CNTN5: variants seen among roughly 807,000 people sequenced by gnomAD.
The protein encoded by CNTN5 is contactin-5.
A neutral mutation model predicts 129.1 loss-of-function variants in CNTN5; 77 were observed. The observed-to-expected ratio is 0.60, with a 90% CI of 0.50 to 0.72. The LOEUF is 0.72. Ranked by LOEUF, CNTN5 falls within the 30% of genes least tolerant of loss-of-function variation. The pLI is 0.00. For synonymous variants in CNTN5, 509 were observed against 465.6 expected (o/e 1.09, Z -1.20); for missense variants, 1,478 against 1,328.8 (o/e 1.11, Z -1.75).
intron 15 of CNTN5, among the ~76,000 whole-genome samples, chr11:100,211,996 T>A (rs974623388): frequency 1.3e-5 from 2 of 152,130 alleles, no homozygotes; most frequent in Non-Finnish European, 2.9e-5. Context: ...AAAGGATGAC[T>A]TTCCCCCTAC....
intron 2 of CNTN5, among the ~76,000 whole-genome samples, chr11:99,543,926 CA>C (rs869130663): frequency 1.4e-3 from 11 of 7,972 alleles, no homozygotes; most frequent in African/African-American, 3.7e-3. Context: ...CTCAAAAAAA[CA>C]AAAAAAAAAA....
chr11:99,467,537 C>T (rs1944994491), intron 2 of CNTN5, among the ~76,000 whole-genome samples: 1 of 152,064 alleles, frequency 6.6e-6, no homozygotes, highest in South Asian at 2.1e-4. Flanking sequence ...GCTCGGTTAA[C>T]TCATCCTTCA....
In CNTN5 at chr11:99,658,597, C is replaced by T. The variant is rs569995288; in HGVS notation, c.55+102328C>T. Among the ~76,000 whole-genome samples, 11 of 151,818 alleles carry T rather than the reference C, an allele frequency of 7.2e-5. No homozygotes were observed. The South Asian group carries it at 1.5e-3, about 20-fold the overall frequency. On this transcript the variant is annotated intron_variant, in intron 3 of 24. Coordinates refer to ENST00000524871, the MANE Select transcript of CNTN5 (RefSeq NM_014361.4). ...AAATAAATGTAACCAGTGGGCCTAGCGCAGAGGCTCATGCCTGTAATCCCA... is the reference window on the plus strand; with the variant it reads ...AAATAAATGTAACCAGTGGGCCTAGTGCAGAGGCTCATGCCTGTAATCCCA...
At chr11:100,221,517 T>C (rs1350788847) in intron 15 of CNTN5, among the ~76,000 whole-genome samples, 1 of 152,184 alleles carries the variant, frequency 6.6e-6, no homozygotes, top group Non-Finnish European at 1.5e-5. Flanking sequence ...TCCTGTTTTA[T>C]TTCAGTCATT....
At chr11:99,379,781 C>T (rs1940416131) in intron 2 of CNTN5, among the ~76,000 whole-genome samples, 1 of 152,156 alleles carries the variant, frequency 6.6e-6, no homozygotes, top group African/African-American at 2.4e-5. Flanking sequence ...GTGACAGAAT[C>T]TCTTGCAAAG....
intron 8 of CNTN5, among the ~76,000 whole-genome samples, chr11:99,971,093 A>G (rs938442513): frequency 6.6e-6 from 1 of 152,184 alleles, no homozygotes; most frequent in Non-Finnish European, 1.5e-5. Context: ...ATGCTTGTCC[A>G]TATTGAAATT....
At chr11:99,192,686 C>A (rs1238796820) in intron 1 of CNTN5, among the ~76,000 whole-genome samples, 1 of 152,116 alleles carries the variant, frequency 6.6e-6, no homozygotes, top group African/African-American at 2.4e-5. Flanking sequence ...AACCAACTTT[C>A]TGAAGCTTAG....
chr11:99,125,547 C>T (rs576969268), intron 1 of CNTN5, among the ~76,000 whole-genome samples: 13 of 152,210 alleles, frequency 8.5e-5, no homozygotes, highest in Non-Finnish European at 1.5e-4. Context: ...TGGAAGAGGA[C>T]AAGGATGCTC....
intron 1 of CNTN5, among the ~76,000 whole-genome samples, chr11:99,122,610 A>G (rs1330262645): frequency 6.6e-6 from 1 of 152,040 alleles, no homozygotes. Context: ...ACTACCTGTC[A>G]CTGGGGTTTA....
At chr11:99,620,524 T>TTG in intron 3 of CNTN5, among the ~76,000 whole-genome samples, 1 of 71,674 alleles carries the variant, frequency 1.4e-5, no homozygotes, top group African/African-American at 3.8e-5. Context: ...TTTTTTTTTC[T>TTG]TTTTGCTCTT....
chr11:99,191,436 G>C (rs536774867), intron 1 of CNTN5, among the ~76,000 whole-genome samples: 97 of 151,732 alleles, frequency 6.4e-4, no homozygotes, highest in Admixed American at 9.9e-4. Flanking sequence ...TTAAGTGAAA[G>C]GAAACATCTG....
chr11:99,890,862 C>T (rs1441671437), intron 6 of CNTN5, among the ~76,000 whole-genome samples: 1 of 152,060 alleles, frequency 6.6e-6, no homozygotes, highest in Non-Finnish European at 1.5e-5. Context: ...CCTGGATAAG[C>T]TGTGTTTGAA....
chr11:100,193,729 C>T (rs899477602), intron 15 of CNTN5, 66 bp downstream of exon 15: 2 of 1,413,002 alleles, frequency 1.4e-6, no homozygotes, highest in Non-Finnish European at 1.9e-6. Context: ...AAATGTAAGA[C>T]CTTGCTTAGC....
intron 1 of CNTN5, among the ~76,000 whole-genome samples, chr11:99,241,318 G>GTTTTTTTTTTTTTTTTTTTTTTGTT (rs10648459): frequency 1.1e-5 from 1 of 88,050 alleles, no homozygotes; most frequent in Non-Finnish European, 2.1e-5. Flanking sequence ...TTGATTGTTG[G>GTTTTTTTTTTTTTTTTTTTTTTGTT]TTTTTTTTTT....
At chr11:99,542,852 G>A (rs1948162148) in intron 2 of CNTN5, among the ~76,000 whole-genome samples, 1 of 152,238 alleles carries the variant, frequency 6.6e-6, no homozygotes, top group African/African-American at 2.4e-5. Flanking sequence ...CACAGAGGTG[G>A]ATCCTGGAGT....
At chr11:99,361,515 T>A (rs1280037864) in intron 2 of CNTN5, among the ~76,000 whole-genome samples, 1 of 152,196 alleles carries the variant, frequency 6.6e-6, no homozygotes, top group Non-Finnish European at 1.5e-5. Flanking sequence ...ATGTATCATT[T>A]TAGCCATTTT....
intron 2 of CNTN5, among the ~76,000 whole-genome samples, chr11:99,513,041 G>A (rs1946899453): frequency 6.6e-6 from 1 of 152,110 alleles, no homozygotes; most frequent in African/African-American, 2.4e-5. Context: ...AATGCAAAGG[G>A]AAATTTTCTG....
intron 3 of CNTN5, among the ~76,000 whole-genome samples, chr11:99,570,610 C>G (rs1015994300): frequency 6.6e-6 from 1 of 152,082 alleles, no homozygotes; most frequent in African/African-American, 2.4e-5. Flanking sequence ...TTATTATGTG[C>G]CTGCTAGATA....
chr11:99,332,937 C>G (rs1866064113), intron 2 of CNTN5, among the ~76,000 whole-genome samples: 1 of 151,966 alleles, frequency 6.6e-6, no homozygotes, highest in Admixed American at 6.6e-5. Context: ...ATTTCTTTTT[C>G]CTTTGTAAAT....
Sources: gnomAD v4.1 joint callset for allele counts (sites outside exome capture counted in the v4.1 genomes callset) on GRCh38, gnomAD v4.1.1 for gene constraint, MANE v1.5 for transcripts, NCBI Gene and HGNC (gene_info 2026-07-23, HGNC 2026-07-21) for gene names.